RGS6: variants seen among roughly 807,000 people sequenced by gnomAD.
The protein encoded by RGS6 is regulator of G protein signaling 6, also known as regulator of G-protein signaling 6.
In RGS6, 30 loss-of-function variants were observed where a neutral mutation model predicts 78.5. The ratio of observed to expected loss-of-function variants is 0.38; its 90% CI spans 0.29 to 0.52. The LOEUF is 0.52. Ranked by LOEUF, RGS6 falls within the 20% of genes least tolerant of loss-of-function variation. RGS6 has a pLI of 0.85. For missense variants in RGS6, 495 were observed against 609.7 expected, an observed-to-expected ratio of 0.81 and a Z score of 1.98; for synonymous variants, 206 against 206.0, an observed-to-expected ratio of 1.00 and a Z score of 0.00.
At chr14:72,566,629 T>TCTCACACACACACACACACA (rs1349119393), downstream of RGS6, 1 of 105,834 alleles carries the variant, frequency 9.4e-6, no homozygotes, top group African/African-American at 3.9e-5. Context: ...TTCCCCATTA[T>TCTCACACACACACACACACA]CACACACACA....
At chr14:72,258,755 T>C (rs989577915) in intron 2 of RGS6, among the ~76,000 whole-genome samples, 6 of 152,204 alleles carry the variant, frequency 3.9e-5, no homozygotes, top group African/African-American at 1.4e-4. Flanking sequence ...TGTTGTGTTA[T>C]AGAGGTTTAA....
chr14:72,157,322 C>T (rs1197343675), intron 2 of RGS6, among the ~76,000 whole-genome samples: 3 of 152,088 alleles, frequency 2.0e-5, no homozygotes, highest in East Asian at 1.9e-4. Flanking sequence ...CCAATGGAAA[C>T]GGGGATGTAG....
chr14:72,578,482 C>T, the RGS6 span, among the ~76,000 whole-genome samples: 3 of 152,352 alleles, frequency 2.0e-5, no homozygotes, highest in South Asian at 6.2e-4. Flanking sequence ...TGTCCCCAGT[C>T]AAAAGCTTCC....
chr14:72,282,395 A>G (rs17769357), intron 2 of RGS6, among the ~76,000 whole-genome samples: 10,040 of 152,242 alleles, frequency 0.066, 444 homozygotes, highest in South Asian at 0.095. Flanking sequence ...GCAATGCCCA[A>G]ATTATAAGAA....
chr14:72,158,207 C>T lies in RGS6; in HGVS notation c.84+193332C>T, dbSNP rs577911591. Among the ~76,000 whole-genome samples the T allele has an allele frequency of 2.4e-3, 360 of 152,252 alleles. 4 individuals are homozygous for T. The highest frequency in any genetic ancestry group is 7.6e-3 in the African/African-American group (314 of 41,544). ...TAGGGCTGGTCCCTCCTCAGGGCCG[C>T]GAGGGCAGGGTCTATTCCAGGCCTT... On this transcript the variant is annotated intron_variant, in intron 2 of 17. Transcript: ENST00000553525.
chr14:72,224,469 T>TA, intron 2 of RGS6, among the ~76,000 whole-genome samples: 1 of 146,050 alleles, frequency 6.8e-6, no homozygotes, highest in East Asian at 2.0e-4. Context: ...TTTTTTTTTT[T>TA]ATATACTTTA....
In RGS6 at chr14:72,541,407, C is replaced by T. The variant is rs1422547856; in HGVS notation, c.1422+1313C>T. On this transcript the variant is annotated intron_variant, in intron 17 of 17. Coordinates refer to ENST00000553525, the MANE Select transcript of RGS6 (RefSeq NM_001204424.2). ...TAGTGGGTGGCAATTAATTAAACAT[C>T]GGTATCCATCCCTTCCCTTCCTCGG... 9 of 1,493,524 alleles carry T rather than the reference C, an allele frequency of 6.0e-6. No homozygotes were observed. The East Asian group carries it at 7.4e-5, about 12-fold the overall frequency. The allele number at this position is 1,493,524 out of a possible 1,614,324, so 92.5% of individuals were successfully genotyped here.
intron 2 of RGS6, among the ~76,000 whole-genome samples, chr14:71,965,163 G>A (rs555375263): frequency 1.3e-5 from 2 of 152,338 alleles, no homozygotes; most frequent in South Asian, 4.1e-4. Context: ...AAAGGCCTTA[G>A]TGTAAGATGT....
the RGS6 span, among the ~76,000 whole-genome samples, chr14:71,896,015 C>A: frequency 6.6e-6 from 1 of 152,014 alleles, no homozygotes; most frequent in African/African-American, 2.4e-5. Flanking sequence ...CCCAGGGGTG[C>A]AGTCCGTGCA....
chr14:72,338,078 G>C (rs1033054036), intron 2 of RGS6, among the ~76,000 whole-genome samples: 34 of 152,188 alleles, frequency 2.2e-4, no homozygotes, highest in African/African-American at 8.0e-4. Flanking sequence ...GCAGATATGG[G>C]CCTCCCCTTG....
intron 14 of RGS6, among the ~76,000 whole-genome samples, chr14:72,513,490 C>T (rs546149949): frequency 6.6e-6 from 1 of 152,228 alleles, no homozygotes; most frequent in East Asian, 1.9e-4. Flanking sequence ...CCTTTTCTGA[C>T]CCACCTGAGC....
chr14:72,273,032 C>G (rs188047285), intron 2 of RGS6, among the ~76,000 whole-genome samples: 23 of 151,462 alleles, frequency 1.5e-4, no homozygotes, highest in Admixed American at 1.4e-3. Context: ...GGGAGAATCT[C>G]TTGAACCTGG....
chr14:71,928,927 G>C (rs2087760193), upstream of RGS6, among the ~76,000 whole-genome samples: 1 of 152,130 alleles, frequency 6.6e-6, no homozygotes, highest in African/African-American at 2.4e-5. Flanking sequence ...TTATAAAAGG[G>C]AAGACAATTT....
chr14:71,924,553 G>GC, the RGS6 span, among the ~76,000 whole-genome samples: 1 of 151,864 alleles, frequency 6.6e-6, no homozygotes, highest in Non-Finnish European at 1.5e-5. Context: ...TCATTTCCAT[G>GC]CCCCCCACCT....
At chr14:72,077,352 T>C (rs924531506) in intron 2 of RGS6, among the ~76,000 whole-genome samples, 1 of 152,192 alleles carries the variant, frequency 6.6e-6, no homozygotes, top group Non-Finnish European at 1.5e-5. Flanking sequence ...TTTACAGTAA[T>C]AGTACAAATA....
chr14:72,069,529 T>G (rs1441825065), intron 2 of RGS6, among the ~76,000 whole-genome samples: 2 of 152,130 alleles, frequency 1.3e-5, no homozygotes, highest in Non-Finnish European at 2.9e-5. Flanking sequence ...TTATTAATCA[T>G]AGATGATTTT....
intron 2 of RGS6, among the ~76,000 whole-genome samples, chr14:72,090,123 A>C (rs2095214879): frequency 6.7e-6 from 1 of 149,996 alleles, no homozygotes; most frequent in East Asian, 1.9e-4. Flanking sequence ...AAAAAAAAAA[A>C]AAAAAATAAA....
At chr14:72,601,480 C>T in the RGS6 span, among the ~76,000 whole-genome samples, 1 of 152,332 alleles carries the variant, frequency 6.6e-6, no homozygotes, top group East Asian at 1.9e-4. Flanking sequence ...CCTGCCTCTT[C>T]TTCTAAAACT....
intron 10 of RGS6, among the ~76,000 whole-genome samples, chr14:72,475,623 G>A (rs914414364): frequency 5.3e-5 from 8 of 152,006 alleles, no homozygotes; most frequent in Non-Finnish European, 7.4e-5. Flanking sequence ...CAGCTTCTTG[G>A]GAGGCTGAGG....
Sources: allele counts gnomAD v4.1 joint callset (sites outside exome capture counted in the v4.1 genomes callset), GRCh38; gene constraint gnomAD v4.1.1; transcripts MANE v1.5; gene names NCBI Gene and HGNC (gene_info 2026-07-23, HGNC 2026-07-21).